The following MDGA2 variants were observed in gnomAD, a reference collection of about 807,000 sequenced individuals.
MDGA2 encodes MAM domain containing glycosylphosphatidylinositol anchor 2.
Under a neutral mutation model 117.8 loss-of-function variants are expected in MDGA2, and 40 were observed. The ratio of observed to expected loss-of-function variants is 0.34; its 90% CI spans 0.26 to 0.44. The LOEUF (loss-of-function observed/expected upper bound fraction) is 0.44. MDGA2 is among the 20% of genes least tolerant of loss of function. The pLI, the probability that MDGA2 is intolerant of heterozygous loss-of-function variation, is 1.00. For synonymous variants in MDGA2, 452 were observed against 439.0 expected, an observed-to-expected ratio of 1.03 and a Z score of -0.37; for missense variants, 1,123 against 1,250.6, an observed-to-expected ratio of 0.90 and a Z score of 1.54.
At chr14:47,361,117 G>A (rs935995880) in intron 1 of MDGA2, among the ~76,000 whole-genome samples, 1 of 151,538 alleles carries the variant, frequency 6.6e-6, no homozygotes, top group Non-Finnish European at 1.5e-5. Context: ...CTATGTGAAT[G>A]AATATGTTAA....
chr14:47,260,018 A>G (rs1207855604), intron 2 of MDGA2, among the ~76,000 whole-genome samples: 1 of 152,106 alleles, frequency 6.6e-6, no homozygotes, highest in East Asian at 1.9e-4. Flanking sequence ...TGGGGAGCCT[A>G]GACAAAAAAT....
At chr14:47,533,627 A>G (rs1895147345) in intron 1 of MDGA2, among the ~76,000 whole-genome samples, 1 of 152,226 alleles carries the variant, frequency 6.6e-6, no homozygotes, top group African/African-American at 2.4e-5. Context: ...AGCATATGCT[A>G]TCATGCCTGT....
rs1887991277 is a variant in MDGA2, at chr14:47,013,884, C to T, written c.1819+21127G>A. Among the ~76,000 whole-genome samples, 3 of 149,458 alleles carry T rather than the reference C, an allele frequency of 2.0e-5. No homozygotes were observed. The South Asian group carries it at 6.4e-4, about 32-fold the overall frequency. On this transcript the variant is annotated intron_variant, in intron 8 of 16. Coordinates refer to ENST00000399232, the MANE Select transcript of MDGA2 (RefSeq NM_001113498.3). The stretch of plus-strand genomic sequence containing the variant: ...TGATCTCAGCTCACTGCACCTCCGC[C>T]TCCTGGGTTCAAGTCATTGTCCTGC...
intron 1 of MDGA2, among the ~76,000 whole-genome samples, chr14:47,400,335 T>G (rs1249728831): frequency 6.6e-6 from 1 of 152,158 alleles, no homozygotes; most frequent in Non-Finnish European, 1.5e-5. Flanking sequence ...TGACTATTAT[T>G]TTTTCTTTAT....
At chr14:47,211,601 C>G (rs542767836) in intron 3 of MDGA2, among the ~76,000 whole-genome samples, 1 of 152,106 alleles carries the variant, frequency 6.6e-6, no homozygotes, top group Non-Finnish European at 1.5e-5. Context: ...TCTTTACTAT[C>G]CTGGTCAGGA....
intron 1 of MDGA2, among the ~76,000 whole-genome samples, chr14:47,355,774 G>T (rs1890981071): frequency 6.6e-6 from 1 of 152,086 alleles, no homozygotes; most frequent in Admixed American, 6.5e-5. Context: ...AAAGTACCAG[G>T]GGCTTCCTAT....
intron 1 of MDGA2, among the ~76,000 whole-genome samples, 179 bp downstream of exon 1, chr14:47,674,338 C>T (rs117268922): frequency 0.093 from 14,116 of 152,216 alleles, 675 homozygotes; most frequent in Non-Finnish European, 0.11. Context: ...GGGGAAGCGG[C>T]TCGCAGCCCA....
intron 3 of MDGA2, among the ~76,000 whole-genome samples, chr14:47,200,179 G>T (rs1885439288): frequency 6.6e-6 from 1 of 151,810 alleles, no homozygotes; most frequent in Admixed American, 6.6e-5. Flanking sequence ...GATGACCAAA[G>T]AACGAAAAAG....
intron 8 of MDGA2, among the ~76,000 whole-genome samples, chr14:46,984,981 T>C (rs1028336963): frequency 2.0e-5 from 3 of 152,074 alleles, no homozygotes; most frequent in African/African-American, 7.2e-5. Context: ...TAAATATCAG[T>C]ACATTTTTTT....
rs556693898 is a variant in MDGA2, at chr14:47,664,534, G to A, written c.280+9983C>T. On this transcript the variant is annotated intron_variant, in intron 1 of 16. Transcript: ENST00000399232. The stretch of plus-strand genomic sequence containing the variant: ...ACTCTCCTAAGAGTTTACTCGATGT[G>A]GAAACTGAGGGATAGAGATCAAGAT... 2.6e-5 allele frequency among the ~76,000 whole-genome samples: 4 copies of A among 152,254 alleles called. No individual in the cohort carries two copies. In the South Asian group the frequency reaches 8.3e-4, roughly 32 times the overall value.
At chr14:47,542,910 T>A (rs1011681685) in intron 1 of MDGA2, among the ~76,000 whole-genome samples, 1 of 152,148 alleles carries the variant, frequency 6.6e-6, no homozygotes, top group Non-Finnish European at 1.5e-5. Flanking sequence ...CTGTGTTGAA[T>A]TAGAAAATAG....
intron 8 of MDGA2, among the ~76,000 whole-genome samples, chr14:46,968,562 A>G (rs56817747): frequency 0.12 from 17,910 of 152,072 alleles, 2,013 homozygotes; most frequent in African/African-American, 0.27. Flanking sequence ...GGCCGGGCAC[A>G]GTGACTCACA....
chr14:47,155,950 C>T (rs1236897270), intron 3 of MDGA2, among the ~76,000 whole-genome samples: 1 of 105,398 alleles, frequency 9.5e-6, no homozygotes, highest in African/African-American at 3.6e-5. Flanking sequence ...GTCTCTGTCA[C>T]CCAGGCTGGA....
chr14:47,242,502 G>C (rs571096940), intron 2 of MDGA2, among the ~76,000 whole-genome samples: 91 of 151,984 alleles, frequency 6.0e-4, no homozygotes, highest in African/African-American at 2.2e-3. Context: ...CTGGAGTTCC[G>C]GGTGGGCGTG....
Position 47,674,944 on chromosome 14 carries a change from C to T in MDGA2, c.-148G>A. ...GGGGCGGTGATGGGAAGGGGAGCTG[C>T]GAGGCGAAGTGTTCTTCAGGGAAGC... is the stretch of plus-strand genomic sequence containing the variant. On this transcript the variant is annotated 5_prime_UTR_variant, in exon 1 of 17. Transcript: ENST00000399232. 1 of 492,792 alleles carries T rather than the reference C, an allele frequency of 2.0e-6. No homozygotes were observed. The allele number at this position is 492,792 out of a possible 1,614,324, so 30.5% of individuals were successfully genotyped here.
At chr14:47,510,161 A>C (rs1252948148) in intron 1 of MDGA2, among the ~76,000 whole-genome samples, 2 of 152,136 alleles carry the variant, frequency 1.3e-5, no homozygotes, top group African/African-American at 4.8e-5. Context: ...GCATCCTCAT[A>C]AAAGGGGCCC....
intron 1 of MDGA2, among the ~76,000 whole-genome samples, chr14:47,581,321 C>T (rs1428811137): frequency 6.6e-6 from 1 of 151,920 alleles, no homozygotes; most frequent in Non-Finnish European, 1.5e-5. Context: ...TTCACTCAAT[C>T]CTCATTTTCA....
At chr14:47,284,753 T>A (rs1888614390) in intron 2 of MDGA2, among the ~76,000 whole-genome samples, 1 of 151,744 alleles carries the variant, frequency 6.6e-6, no homozygotes, top group African/African-American at 2.4e-5. Flanking sequence ...TGGAGTGGCC[T>A]TATTTTACCA....
chr14:47,496,777 TATATA>T (rs1230926568), intron 1 of MDGA2, among the ~76,000 whole-genome samples: 2 of 150,360 alleles, frequency 1.3e-5, no homozygotes, highest in African/African-American at 4.9e-5. Context: ...TACTATAATA[TATATA>T]ATATATTATA....
Sources: gnomAD v4.1 joint callset for allele counts (sites outside exome capture counted in the v4.1 genomes callset) on GRCh38, gnomAD v4.1.1 for gene constraint, MANE v1.5 for transcripts, NCBI Gene and HGNC (gene_info 2026-07-23, HGNC 2026-07-21) for gene names.